The following NTRK2 variants were observed in gnomAD, a reference collection of about 807,000 sequenced individuals.
The protein encoded by NTRK2 is neurotrophic receptor tyrosine kinase 2.
Under a neutral mutation model 94.5 loss-of-function variants are expected in NTRK2, and 13 were observed. That is an observed-to-expected ratio of 0.14 (90% CI 0.09 to 0.22). The LOEUF is 0.22. Ranked by LOEUF, NTRK2 falls within the 10% of genes least tolerant of loss-of-function variation. NTRK2 has a pLI of 1.00. For missense variants in NTRK2, 639 were observed against 1,071.2 expected, an observed-to-expected ratio of 0.60 and a Z score of 5.63; for synonymous variants, 372 against 407.4, an observed-to-expected ratio of 0.91 and a Z score of 1.05.
intron 14 of NTRK2, among the ~76,000 whole-genome samples, chr9:84,907,617 C>A (rs2077110773): frequency 6.6e-6 from 1 of 151,848 alleles, no homozygotes; most frequent in Non-Finnish European, 1.5e-5. Context: ...GCAACAAATA[C>A]CTGGGAATTA....
intron 2 of NTRK2, among the ~76,000 whole-genome samples, chr9:84,676,664 G>C (rs577690535): frequency 1.1e-3 from 172 of 152,308 alleles, no homozygotes; most frequent in African/African-American, 4.0e-3. Flanking sequence ...TGAATGCTGG[G>C]GGCCTTTGCT....
chr9:84,869,507 C>T (rs148322607), intron 14 of NTRK2, among the ~76,000 whole-genome samples: 101 of 152,154 alleles, frequency 6.6e-4, no homozygotes, highest in African/African-American at 2.2e-3. Context: ...AATGAAGAAG[C>T]GATTTACTTC....
chr9:84,753,633 T>A (rs1252059199), intron 12 of NTRK2, among the ~76,000 whole-genome samples: 1 of 152,178 alleles, frequency 6.6e-6, no homozygotes, highest in Admixed American at 6.5e-5. Flanking sequence ...ATATCTCAAC[T>A]GCACCCAGGC....
intron 17 of NTRK2, among the ~76,000 whole-genome samples, chr9:85,003,337 A>G (rs907312752): frequency 6.6e-6 from 1 of 152,244 alleles, no homozygotes; most frequent in Non-Finnish European, 1.5e-5. Flanking sequence ...GCTGCTCAGC[A>G]CTATACTGAG....
intron 12 of NTRK2, among the ~76,000 whole-genome samples, chr9:84,804,016 T>A (rs192591746): frequency 1.3e-5 from 2 of 152,290 alleles, no homozygotes; most frequent in East Asian, 3.9e-4. Flanking sequence ...CCCTGATTGT[T>A]GCTATCTTAA....
chr9:84,713,439 TTTG>T (rs1197780466), intron 6 of NTRK2, among the ~76,000 whole-genome samples: 1 of 152,178 alleles, frequency 6.6e-6, no homozygotes, highest in Non-Finnish European at 1.5e-5. Flanking sequence ...CAGCTCTCAG[TTTG>T]TTATCATCTG....
intron 17 of NTRK2, among the ~76,000 whole-genome samples, chr9:84,981,313 G>T (rs892316992): frequency 6.6e-6 from 1 of 151,926 alleles, no homozygotes; most frequent in African/African-American, 2.4e-5. Context: ...TGTTGGCCAG[G>T]CTGGCCTTGA....
intron 17 of NTRK2, among the ~76,000 whole-genome samples, chr9:85,008,910 A>G (rs1367006392): frequency 6.6e-6 from 1 of 152,232 alleles, no homozygotes. Context: ...TCCAAGGGAA[A>G]CATCACCTCT....
rs1181805012 is a variant in NTRK2, at chr9:84,670,753, C to G, written c.5C>G (p.Ser2Trp). ...GGCTGGCACTGGCTGCTAGGGATGTCGTCCTGGATAAGGTGGCATGGACCC... is the reference window on the plus strand; with the variant it reads ...GGCTGGCACTGGCTGCTAGGGATGTGGTCCTGGATAAGGTGGCATGGACCC... M[S>W]SWIRWHGPAM... Residue 2 changes from serine (S) to tryptophan (W), a missense_variant, in exon 2 of 19, where the codon TCG (serine) becomes TGG (tryptophan). By Grantham distance (177) the Ser-to-Trp change is radical. This residue lies in a region of NTRK2 where 206 missense variants were observed against 251.5 expected (regional missense o/e 0.82). Transcript: ENST00000277120. 6.2e-7 allele frequency: 1 copy of G among 1,612,716 alleles called. No individual in the cohort carries two copies. The highest frequency in any genetic ancestry group is 8.5e-7 in the Non-Finnish European group (1 of 1,180,022).
chr9:84,734,142 T>C (rs1404819271), intron 9 of NTRK2, among the ~76,000 whole-genome samples: 1 of 152,000 alleles, frequency 6.6e-6, no homozygotes, highest in East Asian at 1.9e-4. Flanking sequence ...AAGTGTAGGG[T>C]TCTAGCCCCA....
chr9:84,741,798 A>C, intron 9 of NTRK2, 94 bp from the exon 10 acceptor site: 1 of 1,039,934 alleles, frequency 9.6e-7, no homozygotes, highest in South Asian at 1.3e-5. Flanking sequence ...GCAAAACTTC[A>C]GTGTATGTCT....
intron 2 of NTRK2, among the ~76,000 whole-genome samples, chr9:84,672,813 C>T (rs1312670719): frequency 1.3e-5 from 2 of 152,194 alleles, no homozygotes; most frequent in African/African-American, 2.4e-5. Flanking sequence ...CAATTGATTT[C>T]AGCAGAGCTT....
At chr9:84,863,169 CT>C (rs2075412589) in intron 13 of NTRK2, among the ~76,000 whole-genome samples, 1 of 152,158 alleles carries the variant, frequency 6.6e-6, no homozygotes, top group Non-Finnish European at 1.5e-5. Flanking sequence ...AACCCTTCCC[CT>C]CACCTTGAAG....
chr9:84,918,603 A>T (rs1478160495), intron 14 of NTRK2, among the ~76,000 whole-genome samples: 1 of 152,196 alleles, frequency 6.6e-6, no homozygotes, highest in African/African-American at 2.4e-5. Context: ...TGACAAATTT[A>T]TATGTTTTTT....
At chr9:84,894,030 C>T (rs1489689940) in intron 14 of NTRK2, among the ~76,000 whole-genome samples, 3 of 151,902 alleles carry the variant, frequency 2.0e-5, no homozygotes, top group Non-Finnish European at 2.9e-5. Context: ...ATCCGGGGGG[C>T]GCGGACTGAG....
chr9:84,876,981 T>G, intron 14 of NTRK2: 3 of 1,061,288 alleles, frequency 2.8e-6, no homozygotes, highest in Non-Finnish European at 3.4e-6. Flanking sequence ...ACACTCATTT[T>G]CTTAGTAAGA....
chr9:84,712,331 C>T (rs1484378166), intron 6 of NTRK2, among the ~76,000 whole-genome samples: 3 of 152,122 alleles, frequency 2.0e-5, no homozygotes, highest in Non-Finnish European at 2.9e-5. Flanking sequence ...GGATAGGGGA[C>T]GTGTAGGGAG....
At chr9:84,982,854 G>A (rs568051920) in intron 17 of NTRK2, among the ~76,000 whole-genome samples, 3 of 152,108 alleles carry the variant, frequency 2.0e-5, no homozygotes, top group African/African-American at 7.2e-5. Flanking sequence ...CCACAAAGAC[G>A]AGTAGACAAA....
In NTRK2 at chr9:84,765,938, A is replaced by G. The variant is rs572503931; in HGVS notation, c.1396+13853A>G. Among the ~76,000 whole-genome samples the G allele has an allele frequency of 3.3e-5, 5 of 152,304 alleles. No homozygotes were observed. In the South Asian group the frequency reaches 1.0e-3, roughly 32 times the overall value. ...AAAATTAAAAAATATGGTTTAAACAATTTCATTTCAACTTAAATTTTAAAA... is the reference window on the plus strand; with the variant it reads ...AAAATTAAAAAATATGGTTTAAACAGTTTCATTTCAACTTAAATTTTAAAA... On this transcript the variant is annotated intron_variant, in intron 12 of 18. Coordinates refer to ENST00000277120, the MANE Select transcript of NTRK2 (RefSeq NM_006180.6).
Sources: allele counts gnomAD v4.1 joint callset (sites outside exome capture counted in the v4.1 genomes callset), GRCh38; gene constraint gnomAD v4.1.1; regional missense constraint gnomAD v4.1.1; transcripts MANE v1.5; gene names NCBI Gene and HGNC (gene_info 2026-07-23, HGNC 2026-07-21).